The following PDE11A variants were observed in gnomAD, a reference collection of about 807,000 sequenced individuals.
The protein encoded by PDE11A is dual 3',5'-cyclic-AMP and -GMP phosphodiesterase 11A.
In PDE11A, 100 loss-of-function variants were observed where a neutral mutation model predicts 100.5. The ratio of observed to expected loss-of-function variants is 1.00; its 90% CI spans 0.85 to 1.18. PDE11A has a LOEUF of 1.18. Ranked by LOEUF, PDE11A falls within the 50% of genes most tolerant of loss-of-function variation. The pLI is 0.00. For missense variants in PDE11A, 1,141 were observed against 1,152.6 expected, an observed-to-expected ratio of 0.99 and a Z score of 0.15; for synonymous variants, 381 against 420.8, an observed-to-expected ratio of 0.91 and a Z score of 1.16.
At chr2:177,857,497 C>T (rs76727765) in intron 5 of PDE11A, among the ~76,000 whole-genome samples, 1,697 of 151,918 alleles carry the variant, frequency 0.011, 29 homozygotes, top group African/African-American at 0.038. Context: ...ATAGGCTTAT[C>T]GTATGAAAAG....
At chr2:178,062,447 A>G (rs1007280265) in intron 1 of PDE11A, among the ~76,000 whole-genome samples, 2 of 152,104 alleles carry the variant, frequency 1.3e-5, no homozygotes, top group Admixed American at 6.5e-5. Flanking sequence ...CTAACAGGGA[A>G]GTGTGAGTAG....
chr2:177,846,662 G>A lies in PDE11A; in HGVS notation c.1368-6279C>T, dbSNP rs373962419. ...GTTGTGCAGGTTCTGCCTTGCACAC[G>A]GATGCCCTATAAAAGGGAGAAGTGG... On this transcript the variant is annotated intron_variant, in intron 5 of 19. Coordinates refer to ENST00000286063, the MANE Select transcript of PDE11A (RefSeq NM_016953.4). 3.9e-5 allele frequency among the ~76,000 whole-genome samples: 6 copies of A among 152,200 alleles called. No homozygotes were observed. In the East Asian group the frequency reaches 5.8e-4, roughly 15 times the overall value.
At chr2:178,092,599 C>A (rs1189891192) in intron 2 of PDE11A, 3 of 151,184 alleles carry the variant, frequency 2.0e-5, no homozygotes, top group Non-Finnish European at 2.9e-5. Context: ...GGATATATTT[C>A]TTTCTTTTTT....
intron 5 of PDE11A, among the ~76,000 whole-genome samples, chr2:177,858,508 C>T (rs902585285): frequency 2.6e-5 from 4 of 151,910 alleles, no homozygotes; most frequent in African/African-American, 9.7e-5. Context: ...CTCATCATCA[C>T]TGGCCATCAG....
chr2:177,814,339 T>C (rs1443024418), intron 9 of PDE11A, among the ~76,000 whole-genome samples: 1 of 152,134 alleles, frequency 6.6e-6, no homozygotes, highest in African/African-American at 2.4e-5. Flanking sequence ...TTCCTGAATT[T>C]GGGTTTAGTA....
chr2:177,662,689 T>C (rs181895971), intron 19 of PDE11A, among the ~76,000 whole-genome samples: 22 of 152,356 alleles, frequency 1.4e-4, no homozygotes, highest in Admixed American at 1.2e-3. Flanking sequence ...ATGTTCCTTT[T>C]ATAACTAAAA....
intron 2 of PDE11A, among the ~76,000 whole-genome samples, chr2:178,005,173 A>C (rs774065249): frequency 6.6e-6 from 1 of 151,766 alleles, no homozygotes; most frequent in Non-Finnish European, 1.5e-5. Flanking sequence ...AAAAAGAAAG[A>C]TTCTGTTGAA....
intron 19 of PDE11A, among the ~76,000 whole-genome samples, chr2:177,659,210 G>A (rs11674779): frequency 0.7 from 104,355 of 148,322 alleles, 37,290 homozygotes; most frequent in Admixed American, 0.79. Context: ...GCAGTGAGGC[G>A]AGATCAAGCC....
chr2:178,015,089 TAACTTA>T (rs2086319047), intron 1 of PDE11A, among the ~76,000 whole-genome samples: 3 of 152,200 alleles, frequency 2.0e-5, no homozygotes, highest in Admixed American at 6.5e-5. Context: ...GAAAATTGTT[TAACTTA>T]AACAGTATAG....
chr2:177,689,417 G>C (rs565044166), intron 15 of PDE11A, among the ~76,000 whole-genome samples: 1 of 152,254 alleles, frequency 6.6e-6, no homozygotes, highest in South Asian at 2.1e-4. Context: ...AGAGTTGTCA[G>C]GCAGGGGTTG....
chr2:177,626,915 T>TC lies in PDE11A; in HGVS notation c.*2491dup, dbSNP rs1459687377. ...GACTTTCACCTTTTTTTTTTTTTTT[T>TC]CATTTCCCTTAACCACCTGTCTCGG... On this transcript the variant is annotated 3_prime_UTR_variant, in exon 20 of 20. Transcript: ENST00000286063. 7.8e-6 allele frequency: 1 copy of TC among 128,616 alleles called. No individual in the cohort carries two copies. The highest frequency in any genetic ancestry group is 2.7e-5 in the African/African-American group (1 of 36,862). 8.0% of individuals were successfully genotyped at this position (128,616 alleles called of 1,614,324 possible). A position where few individuals can be genotyped will look rare whatever the true frequency, so the allele number is the denominator to read the frequency against.
intron 2 of PDE11A, among the ~76,000 whole-genome samples, chr2:178,103,124 T>A (rs1326447128): frequency 6.6e-6 from 1 of 152,222 alleles, no homozygotes; most frequent in Non-Finnish European, 1.5e-5. Flanking sequence ...TACCACCTGT[T>A]GTATTCCAGG....
intron 2 of PDE11A, among the ~76,000 whole-genome samples, chr2:178,008,886 T>C (rs17635934): frequency 0.056 from 8,455 of 152,222 alleles, 295 homozygotes; most frequent in South Asian, 0.092. Flanking sequence ...CCAAACACTC[T>C]GAATCATGAG....
chr2:177,841,334 A>T (rs2083487481), intron 5 of PDE11A, among the ~76,000 whole-genome samples: 1 of 152,234 alleles, frequency 6.6e-6, no homozygotes, highest in Admixed American at 6.5e-5. Context: ...GGCAAGTGAT[A>T]ACTGAAATTA....
rs1367289965 is a variant in PDE11A at position 177,727,691 on chromosome 2, G to A, written c.2010C>T (p.Phe670=). The change falls in exon 12 of 20, where the codon TTC becomes TTT. Residue 670 remains phenylalanine (F), a synonymous_variant. Transcript: ENST00000286063. ...TCGCGAACATCAGCTGACACACGTT[G>A]AAGGCATGTCTCCAGTTGTGGTATA... The part of the protein sequence containing the change: ...MVLYHNWRHA[F]NVCQLMFAML... The A allele has an allele frequency of 6.2e-7, 1 of 1,609,420 alleles. No individual in the cohort carries two copies. The highest frequency in any genetic ancestry group is 8.5e-7 in the Non-Finnish European group (1 of 1,175,976).
chr2:178,000,046 A>C (rs1198090386), intron 2 of PDE11A, among the ~76,000 whole-genome samples: 3 of 152,164 alleles, frequency 2.0e-5, no homozygotes, highest in Non-Finnish European at 4.4e-5. Flanking sequence ...GCAGAATATG[A>C]AAGGGGTGGG....
At chr2:177,697,945 G>A (rs1257397306) in intron 14 of PDE11A, among the ~76,000 whole-genome samples, 5 of 152,300 alleles carry the variant, frequency 3.3e-5, no homozygotes, top group African/African-American at 1.2e-4. Flanking sequence ...GGGAACTTTA[G>A]CAAGGTCTAG....
intron 2 of PDE11A, among the ~76,000 whole-genome samples, chr2:178,085,394 G>C (rs1196399401): frequency 2.6e-5 from 4 of 152,146 alleles, no homozygotes; most frequent in African/African-American, 9.7e-5. Context: ...AGACACTGTG[G>C]AGGGGGGTGT....
chr2:177,688,190 C>G (rs2080984167), intron 15 of PDE11A: 1 of 152,180 alleles, frequency 6.6e-6, no homozygotes, highest in Non-Finnish European at 1.5e-5. Context: ...AAGGCAATAC[C>G]AAGTATCAAG....
Sources: gnomAD v4.1 joint callset for allele counts (sites outside exome capture counted in the v4.1 genomes callset) on GRCh38, gnomAD v4.1.1 for gene constraint, MANE v1.5 for transcripts, NCBI Gene and HGNC (gene_info 2026-07-23, HGNC 2026-07-21) for gene names.